The following PARP8 variants were observed in gnomAD, a reference collection of about 807,000 sequenced individuals.
The protein encoded by PARP8 is poly(ADP-ribose) polymerase family member 8.
In PARP8, 51 loss-of-function variants were observed where a neutral mutation model predicts 124.1. That is an observed-to-expected ratio of 0.41 (90% CI 0.33 to 0.52). PARP8 has a LOEUF of 0.52. Ranked by LOEUF, PARP8 falls within the 20% of genes least tolerant of loss-of-function variation. PARP8 has a pLI of 0.21. For synonymous variants in PARP8, 391 were observed against 361.5 expected (o/e 1.08, Z -0.93); for missense variants, 860 against 1,018.9 (o/e 0.84, Z 2.12).
intron 2 of PARP8, among the ~76,000 whole-genome samples, chr5:50,698,734 A>C (rs1753286609): frequency 6.6e-6 from 1 of 152,188 alleles, no homozygotes; most frequent in Admixed American, 6.5e-5. Context: ...TGAACCAGAA[A>C]AATCTCAAAA....
intron 2 of PARP8, among the ~76,000 whole-genome samples, chr5:50,735,834 A>T (rs1182919145): frequency 1.3e-5 from 2 of 151,594 alleles, no homozygotes; most frequent in East Asian, 3.9e-4. Flanking sequence ...TATAAAGGGG[A>T]TTTAACCTTA....
At chr5:50,682,693 G>A (rs1751426450) in intron 2 of PARP8, among the ~76,000 whole-genome samples, 1 of 152,126 alleles carries the variant, frequency 6.6e-6, no homozygotes, top group Non-Finnish European at 1.5e-5. Context: ...ATTAGGTCAT[G>A]TAAATGTTGT....
rs577136101 is a variant in PARP8 at position 50,748,109 on chromosome 5, C to T, written c.147-2042C>T. On this transcript the variant is annotated intron_variant, in intron 2 of 25. Transcript: ENST00000281631. ...TTTGTTCCTTCTGTTTTTTGTTCCT[C>T]CTTTCCTGCTTTCTTTTGGATTAAA... is the stretch of plus-strand genomic sequence containing the variant. 8.6e-5 allele frequency among the ~76,000 whole-genome samples: 13 copies of T among 151,798 alleles called. No homozygotes were observed. In the East Asian group the frequency reaches 2.5e-3, roughly 29 times the overall value.
chr5:50,704,407 C>A (rs1753916498), intron 2 of PARP8, among the ~76,000 whole-genome samples: 3 of 152,124 alleles, frequency 2.0e-5, no homozygotes, highest in Admixed American at 2.0e-4. Context: ...GATATAATTA[C>A]CTAAGTGAGC....
At chr5:50,712,281 A>G (rs894670786) in intron 2 of PARP8, among the ~76,000 whole-genome samples, 26 of 152,154 alleles carry the variant, frequency 1.7e-4, no homozygotes, top group African/African-American at 5.3e-4. Flanking sequence ...TTTATACTTT[A>G]AAAAACCCAA....
intron 10 of PARP8, among the ~76,000 whole-genome samples, chr5:50,790,478 A>G (rs1741823084): frequency 6.6e-6 from 1 of 151,470 alleles, no homozygotes. Flanking sequence ...TTATACTATG[A>G]TTTTTTTTCC....
chr5:50,750,973 T>A (rs1379506333), intron 3 of PARP8, among the ~76,000 whole-genome samples: 1 of 152,130 alleles, frequency 6.6e-6, no homozygotes, highest in Non-Finnish European at 1.5e-5. Context: ...TAGTGTAGCA[T>A]GTTTTTGATG....
At chr5:50,834,167 C>A in intron 24 of PARP8, 119 bp downstream of exon 24, 1 of 822,088 alleles carries the variant, frequency 1.2e-6, no homozygotes, top group Non-Finnish European at 1.9e-6. Context: ...TCCTTATGAT[C>A]ATCTCAAAGG....
intron 14 of PARP8, among the ~76,000 whole-genome samples, chr5:50,809,655 A>G (rs1361489332): frequency 6.6e-6 from 1 of 151,988 alleles, no homozygotes; most frequent in African/African-American, 2.4e-5. Context: ...CATTTTATAG[A>G]TAGGAAAAAT....
rs577007697 is a variant in PARP8 at position 50,739,939 on chromosome 5, C to T, written c.147-10212C>T. Among the ~76,000 whole-genome samples the T allele has an allele frequency of 5.3e-5, 8 of 151,454 alleles. No individual in the cohort carries two copies. In the South Asian group the frequency reaches 8.3e-4, roughly 16 times the overall value. Reference sequence around the variant, plus strand: ...AATATTTTGGTATTTTTAGTAGAGACGGGGTTTCACCATCTTGGCCAGGCT... The same window carrying T: ...AATATTTTGGTATTTTTAGTAGAGATGGGGTTTCACCATCTTGGCCAGGCT... On this transcript the variant is annotated intron_variant, in intron 2 of 25. Transcript: ENST00000281631.
rs775186138 is a variant in PARP8, at chr5:50,760,366, T to C, written c.345+4T>C. The C allele has an allele frequency of 4.6e-6, 7 of 1,510,694 alleles. No individual in the cohort carries two copies. Among genetic ancestry groups the C allele is most frequent in the Non-Finnish European group, 5.4e-6 (6 of 1,108,356 alleles). 93.6% of individuals were successfully genotyped at this position (1,510,694 alleles called of 1,614,324 possible). On this transcript the variant is annotated splice_donor_region_variant and intron_variant, in intron 5 of 25. Coordinates refer to ENST00000281631, the MANE Select transcript of PARP8 (RefSeq NM_024615.4). Reference sequence around the variant, plus strand: ...ATTACAAAAGGAAAATGGGGAGGTATGTAAATTATATTTTTTATTTTCTTG... The same window carrying C: ...ATTACAAAAGGAAAATGGGGAGGTACGTAAATTATATTTTTTATTTTCTTG...
At chr5:50,748,889 T>A (rs1758910352) in intron 2 of PARP8, among the ~76,000 whole-genome samples, 1 of 152,198 alleles carries the variant, frequency 6.6e-6, no homozygotes, top group South Asian at 2.1e-4. Context: ...AATTGGGAAA[T>A]TTTTAGCTCT....
At chr5:50,679,554 A>G (rs749872520) in intron 2 of PARP8, among the ~76,000 whole-genome samples, 4 of 152,182 alleles carry the variant, frequency 2.6e-5, no homozygotes, top group Non-Finnish European at 5.9e-5. Context: ...CCATATCCTT[A>G]GAAAGCCTGT....
intron 2 of PARP8, among the ~76,000 whole-genome samples, chr5:50,726,421 G>C (rs1756436040): frequency 6.6e-6 from 1 of 152,008 alleles, no homozygotes; most frequent in African/African-American, 2.4e-5. Flanking sequence ...TGTTTTTATT[G>C]ATAGGAGTAC....
At chr5:50,737,805 C>T (rs1362346716) in intron 2 of PARP8, among the ~76,000 whole-genome samples, 2 of 152,166 alleles carry the variant, frequency 1.3e-5, no homozygotes, top group African/African-American at 4.8e-5. Flanking sequence ...ATACACACGG[C>T]TGTCTTAGAT....
intron 2 of PARP8, among the ~76,000 whole-genome samples, chr5:50,676,411 C>T (rs1007084530): frequency 8.5e-5 from 13 of 152,210 alleles, no homozygotes; most frequent in African/African-American, 2.9e-4. Flanking sequence ...GGTTCTCTCA[C>T]TCTCTCACTA....
At chr5:50,746,836 G>A (rs575594369) in intron 2 of PARP8, among the ~76,000 whole-genome samples, 1 of 152,192 alleles carries the variant, frequency 6.6e-6, no homozygotes, top group South Asian at 2.1e-4. Flanking sequence ...AGATCAGCCT[G>A]GGCAATATAA....
intron 22 of PARP8, among the ~76,000 whole-genome samples, chr5:50,830,929 A>G (rs1432631519): frequency 1.3e-5 from 2 of 152,088 alleles, no homozygotes; most frequent in African/African-American, 4.8e-5. Context: ...CTCATGTTAT[A>G]GGAAAGGATA....
intron 2 of PARP8, among the ~76,000 whole-genome samples, chr5:50,731,094 A>T (rs204915): frequency 0.53 from 80,541 of 152,010 alleles, 23,328 homozygotes; most frequent in East Asian, 0.65. Flanking sequence ...ATGTCAGAAA[A>T]CCTGGCTCTG....
Sources: allele counts gnomAD v4.1 joint callset (sites outside exome capture counted in the v4.1 genomes callset), GRCh38; gene constraint gnomAD v4.1.1; transcripts MANE v1.5; gene names NCBI Gene and HGNC (gene_info 2026-07-23, HGNC 2026-07-21).